ZNF469: variants seen among roughly 807,000 people sequenced by gnomAD.
ZNF469 encodes zinc finger protein 469.
In ZNF469, 1 loss-of-function variant was observed where a neutral mutation model predicts 1.0. The observed-to-expected ratio is 1.00, with a 90% CI of 0.35 to 4.73. The LOEUF (loss-of-function observed/expected upper bound fraction) is 4.73. ZNF469 is among the 30% of genes most tolerant of loss of function. ZNF469 has a pLI of 0.16. For synonymous variants in ZNF469, 2,703 were observed against 2,363.4 expected (o/e 1.14, Z -4.17); for missense variants, 6,100 against 5,356.3 (o/e 1.14, Z -4.33).
the ZNF469 span, among the ~76,000 whole-genome samples, chr16:88,370,020 G>T: frequency 2.0e-5 from 3 of 152,174 alleles, no homozygotes; most frequent in African/African-American, 7.2e-5. Context: ...ACAAAGTTTG[G>T]ACACTCCAGC....
chr16:88,326,951 C>T, the ZNF469 span, among the ~76,000 whole-genome samples: 1 of 152,184 alleles, frequency 6.6e-6, no homozygotes, highest in Non-Finnish European at 1.5e-5. Flanking sequence ...GTGTCCCTGT[C>T]TCCCTCCCCG....
Position 88,435,535 on chromosome 16 carries a change from G to C in ZNF469, c.8065G>C (p.Gly2689Arg). The C allele has an allele frequency of 6.5e-7, 1 of 1,549,532 alleles. No homozygotes were observed. ...TGTGGAAGGAGGGCCTGAGGCTGAC[G>C]GGGAGCAGCCGCCTCGCTTGGCCAC... is the stretch of plus-strand genomic sequence containing the variant. ...LSVEGGPEAD[G>R]EQPPRLATLG... Residue 2689 changes from glycine (G) to arginine (R), a missense_variant, in exon 3 of 3, where the codon GGG becomes CGG. By Grantham distance (125) the Gly-to-Arg change is moderately radical (BLOSUM62 -2). Transcript: ENST00000565624.
chr16:88,365,061 T>A, the ZNF469 span, among the ~76,000 whole-genome samples: 1 of 152,238 alleles, frequency 6.6e-6, no homozygotes, highest in Non-Finnish European at 1.5e-5. Flanking sequence ...TTTCAAATGG[T>A]ATCAATTTTC....
chr16:88,196,758 C>T, the ZNF469 span, among the ~76,000 whole-genome samples: 1 of 152,212 alleles, frequency 6.6e-6, no homozygotes, highest in African/African-American at 2.4e-5. Flanking sequence ...CTCAGAGCTC[C>T]ACCAACTGCT....
the ZNF469 span, among the ~76,000 whole-genome samples, chr16:88,363,342 T>G: frequency 6.6e-6 from 1 of 152,248 alleles, no homozygotes; most frequent in African/African-American, 2.4e-5. Flanking sequence ...AACCTTTAGA[T>G]TCTGCTGTGT....
chr16:88,435,081 G>A lies in ZNF469; in HGVS notation c.7611G>A (p.Glu2537=). ...AAAGCCACAGGGTGTCTGGGAAGGA[G>A]AGACCAAATCACTCACGGGGAGACC... ...RKKSHRVSGK[E]RPNHSRGDPS... is the part of the protein sequence containing the mutation. The change falls in exon 3 of 3, where the codon GAG becomes GAA. Residue 2537 remains glutamate, a synonymous_variant. Transcript: ENST00000565624. 2 of 1,550,410 alleles carry A rather than the reference G, an allele frequency of 1.3e-6. No individual in the cohort carries two copies. Among genetic ancestry groups the A allele is most frequent in the Non-Finnish European group, 1.7e-6 (2 of 1,146,992 alleles).
the ZNF469 span, among the ~76,000 whole-genome samples, chr16:88,247,809 GTGAGTGAGTGAA>G: frequency 0.011 from 1,659 of 152,200 alleles, 24 homozygotes; most frequent in African/African-American, 0.038. Context: ...GAATGAGTGA[GTGAGTGAGTGAA>G]TGAGTGAGTG....
the ZNF469 span, among the ~76,000 whole-genome samples, chr16:88,251,536 GTCTTTTTTTT>G: frequency 1.3e-4 from 10 of 78,784 alleles, no homozygotes; most frequent in Non-Finnish European, 1.9e-4. Flanking sequence ...TGTCCCTGCT[GTCTTTTTTTT>G]TTTTTTTTTT....
chr16:88,176,113 C>T, the ZNF469 span, among the ~76,000 whole-genome samples: 2 of 152,004 alleles, frequency 1.3e-5, no homozygotes, highest in Admixed American at 6.5e-5. Context: ...TGGGGGGTCT[C>T]AGCCTGATGG....
intron 1 of ZNF469, among the ~76,000 whole-genome samples, chr16:88,393,638 C>T (rs1255165934): frequency 2.6e-5 from 4 of 152,180 alleles, no homozygotes; most frequent in African/African-American, 9.7e-5. Flanking sequence ...GGGGGTCAGC[C>T]CTGGAGCTGT....
At chr16:88,152,066 G>C in the ZNF469 span, among the ~76,000 whole-genome samples, 2 of 152,248 alleles carry the variant, frequency 1.3e-5, no homozygotes, top group African/African-American at 4.8e-5. This position sits in a 1 kb window ranked among gnomAD's most constrained non-coding sequence, Gnocchi z 4.2. Context: ...TGTGGGGAAA[G>C]CCCCACAGAG....
chr16:88,236,635 G>C, the ZNF469 span, among the ~76,000 whole-genome samples: 2 of 152,356 alleles, frequency 1.3e-5, no homozygotes, highest in East Asian at 3.9e-4. Flanking sequence ...GGGAGGCCGA[G>C]GCAGGTGGAT....
chr16:88,111,507 T>TCTTA, the ZNF469 span, among the ~76,000 whole-genome samples: 3,339 of 49,826 alleles, frequency 0.067, 116 homozygotes, highest in African/African-American at 0.15. Flanking sequence ...TTCTGTCTTT[T>TCTTA]TGTACCCATT....
chr16:88,223,949 G>A, the ZNF469 span, among the ~76,000 whole-genome samples: 1 of 152,254 alleles, frequency 6.6e-6, no homozygotes, highest in East Asian at 1.9e-4. Context: ...CCGAATGAAC[G>A]AGCGGAGGAA....
the ZNF469 span, among the ~76,000 whole-genome samples, chr16:88,102,244 T>C: frequency 1.3e-5 from 2 of 152,226 alleles, no homozygotes; most frequent in Middle Eastern, 6.8e-3. Flanking sequence ...AGGCCAGGCT[T>C]GGTGGCTCAC....
the ZNF469 span, among the ~76,000 whole-genome samples, chr16:88,134,329 C>A: frequency 6.6e-6 from 1 of 152,214 alleles, no homozygotes; most frequent in Non-Finnish European, 1.5e-5. Flanking sequence ...ACTCTTTGGG[C>A]AAACGTTTAC....
chr16:88,334,739 G>A, the ZNF469 span, among the ~76,000 whole-genome samples: 15 of 152,178 alleles, frequency 9.9e-5, no homozygotes, highest in Non-Finnish European at 2.1e-4. Context: ...CTATGAAAGC[G>A]TCATAAGGAA....
the ZNF469 span, among the ~76,000 whole-genome samples, chr16:88,131,732 A>G: frequency 2.6e-5 from 4 of 152,220 alleles, no homozygotes; most frequent in Non-Finnish European, 2.9e-5. Flanking sequence ...CACGGCGTCC[A>G]CTGCATGTCT....
At chr16:88,423,518 A>G (rs1905573616) in intron 1 of ZNF469, among the ~76,000 whole-genome samples, 1 of 152,172 alleles carries the variant, frequency 6.6e-6, no homozygotes, top group Non-Finnish European at 1.5e-5. Context: ...CTATTGCTGT[A>G]TCATAAAGAA....
Sources: gnomAD v4.1 joint callset for allele counts (sites outside exome capture counted in the v4.1 genomes callset) on GRCh38, gnomAD v4.1.1 for gene constraint, Gnocchi (gnomAD v3.1) non-coding constraint, MANE v1.5 for transcripts, NCBI Gene and HGNC (gene_info 2026-07-23, HGNC 2026-07-21) for gene names.